DIAPH3: variants seen among roughly 807,000 people sequenced by gnomAD.
DIAPH3 encodes the protein diaphanous related formin 3, also known as protein diaphanous homolog 3.
Under a neutral mutation model 144.3 loss-of-function variants are expected in DIAPH3, and 117 were observed. The observed-to-expected ratio is 0.81, with a 90% CI of 0.70 to 0.95. DIAPH3 has a LOEUF of 0.95. Among genes scored for constraint, DIAPH3 ranks in the 40% least tolerant of loss-of-function variants. The probability of loss-of-function intolerance (pLI) is 0.00; values close to 1 mark genes in which losing one functional copy is unlikely to be tolerated. For missense variants in DIAPH3, 1,421 were observed against 1,412.7 expected, an observed-to-expected ratio of 1.01 and a Z score of -0.09; for synonymous variants, 519 against 488.9, an observed-to-expected ratio of 1.06 and a Z score of -0.81.
At chr13:60,122,789 T>A (rs921242781) in intron 2 of DIAPH3, among the ~76,000 whole-genome samples, 1 of 152,084 alleles carries the variant, frequency 6.6e-6, no homozygotes, top group African/African-American at 2.4e-5. Flanking sequence ...TTATTTAATA[T>A]CATGATATAA....
At chr13:59,796,154 C>T (rs1039711298) in intron 25 of DIAPH3, among the ~76,000 whole-genome samples, 5 of 152,078 alleles carry the variant, frequency 3.3e-5, no homozygotes, top group Non-Finnish European at 7.4e-5. Context: ...AAACATTTAC[C>T]ATCTGTGAGA....
intron 25 of DIAPH3, among the ~76,000 whole-genome samples, chr13:59,806,492 G>A (rs962380253): frequency 6.6e-6 from 1 of 152,002 alleles, no homozygotes; most frequent in Middle Eastern, 3.4e-3. Flanking sequence ...ATTTAAACTA[G>A]AAAGTTTGAT....
chr13:59,977,099 C>T (rs1224235871), intron 14 of DIAPH3, among the ~76,000 whole-genome samples: 1 of 151,716 alleles, frequency 6.6e-6, no homozygotes, highest in African/African-American at 2.4e-5. Flanking sequence ...TATGCCCCCT[C>T]AGAGTGGTAG....
At chr13:59,754,356 T>C (rs2037154718) in intron 27 of DIAPH3, among the ~76,000 whole-genome samples, 1 of 152,178 alleles carries the variant, frequency 6.6e-6, no homozygotes, top group Admixed American at 6.5e-5. Flanking sequence ...ATGCAAATAA[T>C]ACACTCAACA....
intron 27 of DIAPH3, among the ~76,000 whole-genome samples, chr13:59,745,748 GCAAAC>G (rs2036670026): frequency 6.6e-6 from 1 of 152,156 alleles, no homozygotes. Flanking sequence ...ACTGTCACTA[GCAAAC>G]TGATTTAAAA....
intron 7 of DIAPH3, 102 bp from the exon 8 acceptor site, chr13:60,010,771 T>C: frequency 1.7e-6 from 2 of 1,181,692 alleles, no homozygotes; most frequent in Non-Finnish European, 2.4e-6. Context: ...AGGACATTTT[T>C]ACACTTACTA....
chr13:59,905,344 A>C (rs2046677414), intron 20 of DIAPH3, among the ~76,000 whole-genome samples: 1 of 14,860 alleles, frequency 6.7e-5, no homozygotes. Context: ...CTCTGTCTCA[A>C]AAAAAAAAAA....
At chr13:60,142,695 T>G (rs2059450627) in intron 1 of DIAPH3, among the ~76,000 whole-genome samples, 1 of 152,194 alleles carries the variant, frequency 6.6e-6, no homozygotes, top group Non-Finnish European at 1.5e-5. Context: ...TTTCCCTTCC[T>G]GCAGTTAATA....
intron 27 of DIAPH3, among the ~76,000 whole-genome samples, chr13:59,759,871 T>G (rs1434718319): frequency 6.6e-6 from 1 of 152,048 alleles, no homozygotes; most frequent in Non-Finnish European, 1.5e-5. Context: ...TGCTTGAACC[T>G]GGGAGGCGGA....
At chr13:60,037,157 G>T (rs1346684659) in intron 5 of DIAPH3, among the ~76,000 whole-genome samples, 1 of 133,594 alleles carries the variant, frequency 7.5e-6, no homozygotes, top group East Asian at 2.1e-4. Flanking sequence ...AAAAAAAATT[G>T]TGGGTCAACC....
At chr13:60,035,904 A>C (rs892852347) in intron 5 of DIAPH3, among the ~76,000 whole-genome samples, 1 of 152,204 alleles carries the variant, frequency 6.6e-6, no homozygotes, top group Non-Finnish European at 1.5e-5. Flanking sequence ...TGTTTCTACA[A>C]CTTCTATGAT....
chr13:59,795,878 T>C (rs1181779364), intron 25 of DIAPH3, among the ~76,000 whole-genome samples: 1 of 152,154 alleles, frequency 6.6e-6, no homozygotes, highest in African/African-American at 2.4e-5. Context: ...GCTTACCATT[T>C]CCACCCGCTT....
At chr13:59,786,842 C>T (rs575025416) in intron 25 of DIAPH3, among the ~76,000 whole-genome samples, 1 of 152,240 alleles carries the variant, frequency 6.6e-6, no homozygotes, top group Non-Finnish European at 1.5e-5. Flanking sequence ...GGTGTTGTGG[C>T]TTACGCCTGT....
chr13:59,806,840 T>G (rs2040223638), intron 25 of DIAPH3, among the ~76,000 whole-genome samples: 1 of 151,870 alleles, frequency 6.6e-6, no homozygotes, highest in Admixed American at 6.6e-5. Context: ...ATGTCTTTAT[T>G]GAAGATCATA....
intron 27 of DIAPH3, among the ~76,000 whole-genome samples, chr13:59,749,350 C>A (rs2036875089): frequency 6.7e-6 from 1 of 150,224 alleles, no homozygotes; most frequent in Admixed American, 6.6e-5. Context: ...GAAACCCCGT[C>A]TCTACTAAAA....
intron 25 of DIAPH3, among the ~76,000 whole-genome samples, chr13:59,809,945 C>T (rs891110828): frequency 6.6e-6 from 1 of 152,032 alleles, no homozygotes; most frequent in Admixed American, 6.6e-5. Context: ...AGTAGAAAAG[C>T]CAAATTTTTC....
chr13:59,850,441 A>T (rs1335252568), intron 22 of DIAPH3, among the ~76,000 whole-genome samples: 1 of 151,698 alleles, frequency 6.6e-6, no homozygotes, highest in Non-Finnish European at 1.5e-5. Context: ...ATTCAGTATG[A>T]TATTGGCTGT....
At chr13:60,035,495 T>A (rs1226637334) in intron 5 of DIAPH3, among the ~76,000 whole-genome samples, 2 of 152,180 alleles carry the variant, frequency 1.3e-5, no homozygotes, top group Non-Finnish European at 2.9e-5. Flanking sequence ...CCTTTGAAAA[T>A]GTAAAGTTAG....
chr13:59,823,718 C>A (rs903241641), intron 24 of DIAPH3, among the ~76,000 whole-genome samples: 5 of 152,134 alleles, frequency 3.3e-5, no homozygotes, highest in African/African-American at 4.8e-5. Context: ...TTGGTCCACA[C>A]AGTAGTCAGC....
Sources: allele counts gnomAD v4.1 joint callset (sites outside exome capture counted in the v4.1 genomes callset), GRCh38; gene constraint gnomAD v4.1.1; transcripts MANE v1.5; gene names NCBI Gene and HGNC (gene_info 2026-07-23, HGNC 2026-07-21).